Variants in MARCHF1 observed in about 807,000 individuals in gnomAD.
MARCHF1 encodes the protein membrane associated ring-CH-type finger 1.
A neutral mutation model predicts 54.2 loss-of-function variants in MARCHF1; 40 were observed. The ratio of observed to expected loss-of-function variants is 0.74; its 90% CI spans 0.57 to 0.96. MARCHF1 has a LOEUF of 0.96. MARCHF1 is among the 40% of genes least tolerant of loss of function. The pLI is 0.00. For missense variants in MARCHF1, 586 were observed against 656.5 expected (o/e 0.89, Z 1.17); for synonymous variants, 236 against 236.3 (o/e 1.00, Z 0.01).
rs114978634 is a variant in MARCHF1 at position 163,553,577 on chromosome 4, G to T, written c.1192-7834C>A. Among the ~76,000 whole-genome samples, 891 of 152,244 alleles carry T rather than the reference G, an allele frequency of 5.9e-3. 12 individuals carry two copies. Among genetic ancestry groups the T allele is most frequent in the African/African-American group, 0.02 (822 of 41,518 alleles). ...ACTAGGTAGAAACAGCTAAAAGATG[G>T]CACAATGATGGCTTCATTTCTGTAA... On this transcript the variant is annotated intron_variant, in intron 8 of 9. Transcript: ENST00000514618.
At chr4:164,337,560 G>A (rs1222581430) in intron 1 of MARCHF1, among the ~76,000 whole-genome samples, 1 of 152,230 alleles carries the variant, frequency 6.6e-6, no homozygotes, top group Admixed American at 6.5e-5. Context: ...GCAGGGAAAA[G>A]AGGTCATATT....
At chr4:163,924,549 C>A (rs887151865) in intron 3 of MARCHF1, among the ~76,000 whole-genome samples, 3 of 152,004 alleles carry the variant, frequency 2.0e-5, no homozygotes, top group East Asian at 3.9e-4. Flanking sequence ...ACTTTCTTTC[C>A]AAATTTGCGA....
intron 4 of MARCHF1, among the ~76,000 whole-genome samples, chr4:163,756,442 C>G (rs902900069): frequency 6.6e-6 from 1 of 151,426 alleles, no homozygotes; most frequent in African/African-American, 2.4e-5. Flanking sequence ...TCCTGGCCAA[C>G]ACGGTGAAAC....
intron 4 of MARCHF1, among the ~76,000 whole-genome samples, chr4:163,794,067 T>C (rs985183753): frequency 1.3e-5 from 2 of 152,234 alleles, no homozygotes; most frequent in Non-Finnish European, 2.9e-5. Context: ...GTGTCACTTA[T>C]GCAAATTGTT....
Position 163,831,116 on chromosome 4 carries a change from T to A in MARCHF1, c.111+22905A>T, listed in dbSNP as rs114535591. On this transcript the variant is annotated intron_variant, in intron 4 of 9. Coordinates refer to ENST00000514618, the MANE Select transcript of MARCHF1 (RefSeq NM_001394959.1). ...CCAAAAATTTCTTCTGTCTTTCCTATGGCTAAATTCTCTTCGTAACTGACT... is the reference window on the plus strand; with the variant it reads ...CCAAAAATTTCTTCTGTCTTTCCTAAGGCTAAATTCTCTTCGTAACTGACT... 8.7e-3 allele frequency among the ~76,000 whole-genome samples: 1,322 copies of A among 152,332 alleles called. 25 individuals carry two copies. The highest frequency in any genetic ancestry group is 0.03 in the African/African-American group (1,253 of 41,580).
intron 2 of MARCHF1, among the ~76,000 whole-genome samples, chr4:164,057,927 G>T (rs1754530867): frequency 6.6e-6 from 1 of 152,000 alleles, no homozygotes; most frequent in Admixed American, 6.6e-5. Flanking sequence ...ATACACCATG[G>T]AATACTATGT....
At chr4:164,351,116 C>G (rs1028282063) in intron 1 of MARCHF1, among the ~76,000 whole-genome samples, 7 of 152,224 alleles carry the variant, frequency 4.6e-5, no homozygotes, top group South Asian at 2.1e-4. Context: ...GGTCCTACCC[C>G]ACGGAATCTC....
chr4:164,332,874 T>C (rs1729596435), intron 1 of MARCHF1, among the ~76,000 whole-genome samples: 1 of 152,206 alleles, frequency 6.6e-6, no homozygotes. Context: ...TCATTATTGC[T>C]ATACATGAAA....
chr4:164,306,873 T>C (rs1354348459), intron 1 of MARCHF1, among the ~76,000 whole-genome samples: 3 of 152,176 alleles, frequency 2.0e-5, no homozygotes, highest in Admixed American at 2.0e-4. Context: ...CATAAACTAA[T>C]CATCATCAAT....
intron 2 of MARCHF1, among the ~76,000 whole-genome samples, chr4:164,061,873 C>T (rs1048214162): frequency 1.3e-5 from 2 of 152,100 alleles, no homozygotes; most frequent in African/African-American, 4.8e-5. Context: ...GCTGACCGTT[C>T]AGGCTAGTGG....
chr4:164,383,021 G>A (rs184242210), intron 1 of MARCHF1, among the ~76,000 whole-genome samples: 2 of 152,262 alleles, frequency 1.3e-5, no homozygotes, highest in Admixed American at 6.5e-5. Flanking sequence ...TCCAAAATCA[G>A]CGCTTCAGAA....
chr4:163,804,998 A>AT (rs907127326), intron 4 of MARCHF1, among the ~76,000 whole-genome samples: 10 of 152,084 alleles, frequency 6.6e-5, no homozygotes, highest in South Asian at 2.1e-4. Flanking sequence ...TAAATAGTTT[A>AT]TTTTTTTCAT....
chr4:164,188,752 A>G (rs1731045111), intron 1 of MARCHF1: 2 of 972,262 alleles, frequency 2.1e-6, no homozygotes, highest in African/African-American at 1.6e-5. Flanking sequence ...AGAAAACTAA[A>G]CCATACGTTC....
At chr4:163,739,541 AC>A (rs1746138023) in intron 4 of MARCHF1, among the ~76,000 whole-genome samples, 1 of 152,144 alleles carries the variant, frequency 6.6e-6, no homozygotes, top group African/African-American at 2.4e-5. Flanking sequence ...AGAACGCTAA[AC>A]TGAAATGTCA....
At chr4:163,740,802 A>T (rs1746173199) in intron 4 of MARCHF1, among the ~76,000 whole-genome samples, 1 of 152,200 alleles carries the variant, frequency 6.6e-6, no homozygotes, top group Admixed American at 6.5e-5. Context: ...TTTACTGAGT[A>T]GGTGAATAGT....
rs904887872 is a variant in MARCHF1, at chr4:164,206,879, G to A, written c.-322-95217C>T. ...AATCAATAACAAAGGAAAAAACTCT[G>A]TAAACAGTAGAGAAAAACCAAGTTT... is the stretch of plus-strand genomic sequence containing the variant. On this transcript the variant is annotated intron_variant, in intron 1 of 9. Coordinates refer to ENST00000514618, the MANE Select transcript of MARCHF1 (RefSeq NM_001394959.1). Among the ~76,000 whole-genome samples the A allele has an allele frequency of 4.8e-4, 72 of 149,560 alleles. 1 individual carries two copies. Among genetic ancestry groups the A allele is most frequent in the African/African-American group, 1.8e-3 (70 of 39,292 alleles).
intron 5 of MARCHF1, among the ~76,000 whole-genome samples, chr4:163,632,397 C>A (rs935374742): frequency 6.6e-6 from 1 of 152,118 alleles, no homozygotes; most frequent in African/African-American, 2.4e-5. Context: ...ATGCACTGTG[C>A]GCCAGCCGAA....
chr4:163,772,692 C>T (rs937150570), intron 4 of MARCHF1, among the ~76,000 whole-genome samples: 34 of 152,148 alleles, frequency 2.2e-4, no homozygotes, highest in African/African-American at 8.2e-4. Context: ...TCTTTCCCAT[C>T]TGCCACTAGC....
At chr4:164,346,608 A>ATG (rs1730109002) in intron 1 of MARCHF1, among the ~76,000 whole-genome samples, 2 of 6,156 alleles carry the variant, frequency 3.2e-4, no homozygotes, top group Admixed American at 2.0e-3. Context: ...ATGTATGTAT[A>ATG]TATATATATA....
Sources: allele counts gnomAD v4.1 joint callset (sites outside exome capture counted in the v4.1 genomes callset), GRCh38; gene constraint gnomAD v4.1.1; transcripts MANE v1.5; gene names NCBI Gene and HGNC (gene_info 2026-07-23, HGNC 2026-07-21).